Variants in PPP2R2B observed in about 807,000 individuals in gnomAD.
PPP2R2B encodes the protein serine/threonine-protein phosphatase 2A 55 kDa regulatory subunit B beta isoform.
Under a neutral mutation model 46.0 loss-of-function variants are expected in PPP2R2B, and 5 were observed. That is an observed-to-expected ratio of 0.11 (90% CI 0.06 to 0.23). The LOEUF is 0.23. Ranked by LOEUF, PPP2R2B falls within the 10% of genes least tolerant of loss-of-function variation. The pLI, the probability that PPP2R2B is intolerant of heterozygous loss-of-function variation, is 1.00. For synonymous variants in PPP2R2B, 215 were observed against 206.7 expected, an observed-to-expected ratio of 1.04 and a Z score of -0.34; for missense variants, 367 against 575.0, an observed-to-expected ratio of 0.64 and a Z score of 3.70.
chr5:146,945,116 A>C (rs981679218), intron 1 of PPP2R2B, among the ~76,000 whole-genome samples: 1 of 152,294 alleles, frequency 6.6e-6, no homozygotes, highest in East Asian at 1.9e-4. Context: ...ACCCATGTTA[A>C]ATCTCTGTAA....
chr5:146,863,425 C>T (rs1761122468), intron 2 of PPP2R2B, among the ~76,000 whole-genome samples: 1 of 152,152 alleles, frequency 6.6e-6, no homozygotes, highest in South Asian at 2.1e-4. Context: ...CATGTCCCTA[C>T]AGATCTGCGC....
chr5:146,686,848 G>A (rs914487259), intron 5 of PPP2R2B, among the ~76,000 whole-genome samples: 3 of 152,100 alleles, frequency 2.0e-5, no homozygotes, highest in South Asian at 2.1e-4. Flanking sequence ...TCACTTTAAC[G>A]ATGAGCTCCC....
chr5:146,955,904 G>C (rs1582493277), intron 1 of PPP2R2B, among the ~76,000 whole-genome samples: 1 of 149,906 alleles, frequency 6.7e-6, no homozygotes, highest in Non-Finnish European at 1.5e-5. Flanking sequence ...TCAGCCTCCT[G>C]AGTAGCTGGG....
intron 2 of PPP2R2B, among the ~76,000 whole-genome samples, chr5:146,777,574 C>T (rs544233449): frequency 1.4e-4 from 21 of 152,096 alleles, no homozygotes; most frequent in Non-Finnish European, 7.4e-5. Context: ...ATGTAATTAA[C>T]GCCACTAAAT....
chr5:146,838,464 C>A (rs530088244), intron 2 of PPP2R2B, among the ~76,000 whole-genome samples: 2 of 150,780 alleles, frequency 1.3e-5, no homozygotes, highest in Non-Finnish European at 3.0e-5. Flanking sequence ...CCAGTTACTT[C>A]GGAGGCTGAG....
intron 2 of PPP2R2B, among the ~76,000 whole-genome samples, chr5:146,837,589 A>C (rs967048654): frequency 6.6e-6 from 1 of 152,246 alleles, no homozygotes; most frequent in Non-Finnish European, 1.5e-5. Flanking sequence ...TAAAAAGTAA[A>C]AAAAGGTAAA....
intron 1 of PPP2R2B, among the ~76,000 whole-genome samples, chr5:146,931,996 T>C (rs1050260258): frequency 2.0e-5 from 3 of 152,168 alleles, no homozygotes; most frequent in African/African-American, 7.2e-5. Context: ...TCATCAGCAA[T>C]AATCTGAAAT....
At chr5:146,639,733 T>C (rs190947305) in intron 6 of PPP2R2B, among the ~76,000 whole-genome samples, 5 of 152,338 alleles carry the variant, frequency 3.3e-5, no homozygotes, top group African/African-American at 1.2e-4. Context: ...TTACTTAACA[T>C]TTTTCTTTCA....
intron 2 of PPP2R2B, among the ~76,000 whole-genome samples, chr5:146,866,002 G>A (rs549928121): frequency 6.6e-6 from 1 of 152,282 alleles, no homozygotes; most frequent in South Asian, 2.1e-4. Flanking sequence ...TAGAACAGGG[G>A]TCAGCAAATG....
chr5:146,844,448 T>C (rs1759864504), intron 2 of PPP2R2B, among the ~76,000 whole-genome samples: 1 of 152,130 alleles, frequency 6.6e-6, no homozygotes, highest in South Asian at 2.1e-4. Context: ...CCTTGGATTC[T>C]TGCTCTTTCT....
chr5:147,059,425 G>A (rs186769670), upstream of PPP2R2B, among the ~76,000 whole-genome samples: 8 of 152,212 alleles, frequency 5.3e-5, no homozygotes, highest in Non-Finnish European at 8.8e-5. Context: ...CATTAGTCTC[G>A]GATATACCTA....
chr5:146,883,558 T>A (rs897614995), upstream of PPP2R2B, among the ~76,000 whole-genome samples: 1 of 152,210 alleles, frequency 6.6e-6, no homozygotes, highest in African/African-American at 2.4e-5. Context: ...AGGATTATCT[T>A]CTCTTGGACT....
intron 1 of PPP2R2B, among the ~76,000 whole-genome samples, chr5:146,896,275 C>G (rs1234702963): frequency 6.6e-6 from 1 of 152,090 alleles, no homozygotes; most frequent in African/African-American, 2.4e-5. Flanking sequence ...TCTTTATGCT[C>G]ACATTAACTC....
At chr5:146,894,873 G>C (rs763882326) in intron 1 of PPP2R2B, among the ~76,000 whole-genome samples, 2 of 152,146 alleles carry the variant, frequency 1.3e-5, no homozygotes, top group Non-Finnish European at 2.9e-5. Flanking sequence ...ATAGCATCTT[G>C]ACATCTTTTT....
intron 7 of PPP2R2B, among the ~76,000 whole-genome samples, chr5:146,630,191 C>A (rs1365480575): frequency 1.3e-5 from 2 of 152,192 alleles, no homozygotes; most frequent in African/African-American, 4.8e-5. Context: ...TTTGAACACA[C>A]AAGTTTCCTC....
At chr5:146,937,627 T>C (rs889024614) in intron 1 of PPP2R2B, among the ~76,000 whole-genome samples, 1 of 152,018 alleles carries the variant, frequency 6.6e-6, no homozygotes, top group Non-Finnish European at 1.5e-5. Context: ...GTTGGCCATG[T>C]AAAAGCGTGA....
At chr5:146,820,217 A>C (rs916645470) in intron 2 of PPP2R2B, among the ~76,000 whole-genome samples, 1 of 152,226 alleles carries the variant, frequency 6.6e-6, no homozygotes, top group Non-Finnish European at 1.5e-5. Context: ...TTCTCACCAC[A>C]AAGAAATGAT....
At chr5:146,807,776 C>CCTTT (rs1757269168) in intron 2 of PPP2R2B, among the ~76,000 whole-genome samples, 10 of 36,926 alleles carry the variant, frequency 2.7e-4, no homozygotes, top group African/African-American at 7.9e-4. Context: ...GGGGTGCCTT[C>CCTTT]TTTTTTTTTT....
intron 1 of PPP2R2B, among the ~76,000 whole-genome samples, chr5:147,011,522 C>A (rs959842582): frequency 6.6e-6 from 1 of 152,026 alleles, no homozygotes; most frequent in Non-Finnish European, 1.5e-5. Flanking sequence ...ATATATAAAA[C>A]AAAATGACAA....
Sources: gnomAD v4.1 joint callset for allele counts (sites outside exome capture counted in the v4.1 genomes callset) on GRCh38, gnomAD v4.1.1 for gene constraint, MANE v1.5 for transcripts, NCBI Gene and HGNC (gene_info 2026-07-23, HGNC 2026-07-21) for gene names.